SEPTIN6: variants seen among roughly 807,000 people sequenced by gnomAD.
The protein encoded by SEPTIN6 is septin-6.
A neutral mutation model predicts 33.6 loss-of-function variants in SEPTIN6; 8 were observed. The ratio of observed to expected loss-of-function variants is 0.24; its 90% CI spans 0.14 to 0.43. The LOEUF is 0.43. Ranked by LOEUF, SEPTIN6 falls within the 20% of genes least tolerant of loss-of-function variation. SEPTIN6 has a pLI of 1.00. For synonymous variants in SEPTIN6, 131 were observed against 140.0 expected (o/e 0.94, Z 0.45); for missense variants, 250 against 340.8 (o/e 0.73, Z 2.10).
intron 1 of SEPTIN6, among the ~76,000 whole-genome samples, chrX:119,678,883 A>C (rs1262844071): frequency 9.0e-6 from 1 of 111,691 alleles, no homozygotes; most frequent in East Asian, 2.8e-4. Context: ...AAAGGAGAGG[A>C]AATGAATTTT....
intron 3 of SEPTIN6, among the ~76,000 whole-genome samples, chrX:119,654,365 C>T (rs746424506): frequency 9.0e-6 from 1 of 111,727 alleles, no homozygotes; most frequent in African/African-American, 3.3e-5. Flanking sequence ...CTTAGCTCAG[C>T]TCTGCCTCTT....
chrX:119,647,961 AT>A (rs199881052), intron 5 of SEPTIN6, among the ~76,000 whole-genome samples: 1 of 103,703 alleles, frequency 9.6e-6, no homozygotes, highest in Non-Finnish European at 2.0e-5. Context: ...CCACTAGTTA[AT>A]TTTTTTTAAA....
At chrX:119,663,448 T>TGCC in intron 3 of SEPTIN6, 34 bp downstream of exon 3, 24 of 751,114 alleles carry the variant, frequency 3.2e-5, no homozygotes, top group Non-Finnish European at 4.4e-5. Flanking sequence ...TCTACCAACC[T>TGCC]CCCCACCCTA....
chrX:119,648,595 T>C (rs2054303767), intron 5 of SEPTIN6, among the ~76,000 whole-genome samples: 1 of 111,705 alleles, frequency 9.0e-6, no homozygotes, highest in Non-Finnish European at 1.9e-5. Flanking sequence ...GCCTTACCCT[T>C]GAGCCAGATT....
chrX:119,683,468 G>T (rs2054999781), intron 1 of SEPTIN6, among the ~76,000 whole-genome samples: 1 of 112,277 alleles, frequency 8.9e-6, no homozygotes, highest in African/African-American at 3.2e-5. Flanking sequence ...ATATTAAGCA[G>T]CTGAGAAAAA....
In SEPTIN6 at chrX:119,693,065, T is replaced by C. The variant is rs2055206632; in HGVS notation, c.30+11A>G. 1 of 1,172,890 alleles carries C rather than the reference T, an allele frequency of 8.5e-7. No homozygotes were observed. On this transcript the variant is annotated intron_variant, in intron 1 of 10. Coordinates refer to ENST00000394610, the MANE Select transcript of SEPTIN6 (RefSeq NM_145799.4). The stretch of plus-strand genomic sequence containing the variant: ...TCGGCCCCGGCCCTGGCACCCAAGC[T>C]CTGCACTTACCACCTGGCGAGCTAT...
At chrX:119,643,365 T>G (rs1479080793) in intron 5 of SEPTIN6, among the ~76,000 whole-genome samples, 1 of 108,258 alleles carries the variant, frequency 9.2e-6, no homozygotes, top group Non-Finnish European at 1.9e-5. Flanking sequence ...GAGGAAGGCA[T>G]GTGAATTGGG....
chrX:119,617,555 T>A lies in SEPTIN6; in HGVS notation c.*2538A>T. ...TTGCCAGCCCTCACCCAATCCATCT[T>A]CAGATGTTTTTCTGTGGAAAAAAAC... On this transcript the variant is annotated 3_prime_UTR_variant, in exon 11 of 11. Coordinates refer to ENST00000394610, the MANE Select transcript of SEPTIN6 (RefSeq NM_145799.4). 1.2e-6 allele frequency: 1 copy of A among 803,786 alleles called. No homozygotes were observed. 66.2% of individuals were successfully genotyped at this position (803,786 alleles called of 1,213,427 possible).
intron 1 of SEPTIN6, chrX:119,686,779 T>TA: frequency 3.5e-6 from 1 of 282,323 alleles, no homozygotes; most frequent in Non-Finnish European, 6.4e-6. Flanking sequence ...GAAGAAAAAA[T>TA]AAAAAAGAAA....
At chrX:119,624,072 C>T (rs770479722) in intron 10 of SEPTIN6, 1 of 344,852 alleles carries the variant, frequency 2.9e-6, no homozygotes, top group Non-Finnish European at 5.7e-6. Context: ...GAAGCCAGTA[C>T]TTGTAGGATT....
chrX:119,649,776 C>T (rs776805920), intron 5 of SEPTIN6, among the ~76,000 whole-genome samples, 161 bp downstream of exon 5: 8 of 110,362 alleles, frequency 7.2e-5, no homozygotes, highest in Non-Finnish European at 1.1e-4. Context: ...GAGGCTAAGG[C>T]GGGAGGATCC....
Position 119,619,619 on chromosome X carries a change from G to T in SEPTIN6, c.*474C>A. The T allele has an allele frequency of 1.2e-6, 1 of 834,822 alleles. No homozygotes were observed. The highest frequency in any genetic ancestry group is 1.4e-6 in the Non-Finnish European group (1 of 690,084). 68.8% of individuals were successfully genotyped at this position (834,822 alleles called of 1,213,427 possible). On this transcript the variant is annotated 3_prime_UTR_variant, in exon 11 of 11. Coordinates refer to ENST00000394610, the MANE Select transcript of SEPTIN6 (RefSeq NM_145799.4). Reference sequence around the variant, plus strand: ...GGGTGGGGTGGACCAGGGAGGACTAGTGACTGGGATACAGGAGACCAAGGG... The same window carrying T: ...GGGTGGGGTGGACCAGGGAGGACTATTGACTGGGATACAGGAGACCAAGGG...
At chrX:119,683,506 A>G (rs1246610865) in intron 1 of SEPTIN6, among the ~76,000 whole-genome samples, 1 of 112,637 alleles carries the variant, frequency 8.9e-6, no homozygotes, top group African/African-American at 3.2e-5. Context: ...TAATGACAAA[A>G]GGAAATGCTC....
intron 1 of SEPTIN6, among the ~76,000 whole-genome samples, chrX:119,682,971 G>A (rs2054989192): frequency 2.7e-5 from 3 of 112,617 alleles, no homozygotes; most frequent in Non-Finnish European, 5.6e-5. Flanking sequence ...CTAGGAAAGC[G>A]GCCAGGTACG....
At chrX:119,647,483 C>CTTTT (rs61037430) in intron 5 of SEPTIN6, among the ~76,000 whole-genome samples, 2 of 74,391 alleles carry the variant, frequency 2.7e-5, no homozygotes, top group African/African-American at 6.1e-5. Context: ...TTCTCTCTCT[C>CTTTT]TTTTTTTTTT....
rs577418848 is a variant in SEPTIN6, at chrX:119,642,329, A to G, written c.691-1541T>C. 5.3e-4 allele frequency among the ~76,000 whole-genome samples: 59 copies of G among 111,123 alleles called. 1 individual carries two copies. In the South Asian group the frequency reaches 0.022, roughly 41 times the overall value. On this transcript the variant is annotated intron_variant, in intron 5 of 10. Coordinates refer to ENST00000394610, the MANE Select transcript of SEPTIN6 (RefSeq NM_145799.4). ...TACTAACAGCATTAGCATTAGCAAT[A>G]ATTTGTTAAGCCCTATGCACTGGGT...
At position 119,619,429 on chromosome X, in the gene SEPTIN6, G is replaced by A; in HGVS notation, c.*664C>T. The A allele has an allele frequency of 1.2e-6, 1 of 815,258 alleles. No homozygotes were observed. The highest frequency in any genetic ancestry group is 6.6e-5 in the East Asian group (1 of 15,214). The allele number at this position is 815,258 out of a possible 1,213,427, so 67.2% of individuals were successfully genotyped here. On this transcript the variant is annotated 3_prime_UTR_variant, in exon 11 of 11. Transcript: ENST00000394610. The stretch of plus-strand genomic sequence containing the variant: ...TTCAGCAGTTGTGTTTTATGGGAAG[G>A]GCTTGGTGTAAATAAATGCGTTGCC...
At chrX:119,665,947 T>C (rs759968436) in intron 2 of SEPTIN6, among the ~76,000 whole-genome samples, 66 of 109,714 alleles carry the variant, frequency 6.0e-4, no homozygotes, top group Non-Finnish European at 2.9e-4. Flanking sequence ...CCAGGCGTGA[T>C]GGTGGGTGCC....
intron 1 of SEPTIN6, among the ~76,000 whole-genome samples, chrX:119,689,388 G>C (rs1282780553): frequency 8.9e-6 from 1 of 112,322 alleles, no homozygotes; most frequent in Non-Finnish European, 1.9e-5. Context: ...CAGGGGGTGA[G>C]GTGGGGCATC....
Sources: gnomAD v4.1 joint callset for allele counts (sites outside exome capture counted in the v4.1 genomes callset) on GRCh38, gnomAD v4.1.1 for gene constraint, MANE v1.5 for transcripts, NCBI Gene and HGNC (gene_info 2026-07-23, HGNC 2026-07-21) for gene names.